Variants in TCHP observed in about 807,000 individuals in gnomAD.
TCHP encodes trichoplein keratin filament-binding protein.
Under a neutral mutation model 88.7 loss-of-function variants are expected in TCHP, and 81 were observed. That is an observed-to-expected ratio of 0.91 (90% CI 0.76 to 1.10). The LOEUF (loss-of-function observed/expected upper bound fraction) is 1.10, where lower values mean the gene tolerates loss of function less well. TCHP is among the 50% of genes least tolerant of loss of function. TCHP has a pLI of 0.00. For synonymous variants in TCHP, 232 were observed against 232.5 expected, an observed-to-expected ratio of 1.00 and a Z score of 0.02; for missense variants, 641 against 632.1, an observed-to-expected ratio of 1.01 and a Z score of -0.15.
chr12:109,908,484 CTG>C, intron 6 of TCHP, 100 bp from the exon 7 acceptor site: 2 of 941,268 alleles, frequency 2.1e-6, no homozygotes, highest in Non-Finnish European at 1.7e-6. Flanking sequence ...GGCCAGGCCT[CTG>C]TTGGTGTAGT....
chr12:109,889,202 G>A, the TCHP span, among the ~76,000 whole-genome samples: 4 of 151,824 alleles, frequency 2.6e-5, no homozygotes, highest in Admixed American at 2.0e-4. Flanking sequence ...GGCTGGGTGC[G>A]GTGGCTCATG....
At chr12:109,904,643 T>C (rs1870019091) in intron 3 of TCHP, 94 bp from the exon 4 acceptor site, 1 of 1,133,114 alleles carries the variant, frequency 8.8e-7, no homozygotes, top group East Asian at 2.4e-5. Flanking sequence ...AGGGAGGCAC[T>C]CATAGCCTGA....
At chr12:109,914,676 G>A in intron 11 of TCHP, 49 bp downstream of exon 11, 1 of 1,515,008 alleles carries the variant, frequency 6.6e-7, no homozygotes, top group Non-Finnish European at 9.0e-7. Context: ...CAGGTTCTCT[G>A]CATCATCATG....
At chr12:109,900,530 A>T (rs1223487135) in intron 1 of TCHP, 104 bp downstream of exon 1, 1 of 152,154 alleles carries the variant, frequency 6.6e-6, no homozygotes, top group Non-Finnish European at 1.5e-5. Flanking sequence ...GCGCGAGCTC[A>T]GGGCGCCTCC....
intron 9 of TCHP, among the ~76,000 whole-genome samples, 173 bp from the exon 10 acceptor site, chr12:109,912,818 C>G (rs1870581406): frequency 6.6e-6 from 1 of 152,158 alleles, no homozygotes; most frequent in South Asian, 2.1e-4. Flanking sequence ...AAACTTCCAA[C>G]AGTACTTTCC....
chr12:109,895,329 C>T (rs1869532164), upstream of TCHP, among the ~76,000 whole-genome samples: 2 of 150,860 alleles, frequency 1.3e-5, no homozygotes. Flanking sequence ...CCCACTTCCA[C>T]GTCCCAGGTA....
chr12:109,894,833 G>C, the TCHP span, among the ~76,000 whole-genome samples: 1 of 151,552 alleles, frequency 6.6e-6, no homozygotes, highest in African/African-American at 2.4e-5. Context: ...GTTTCCCTCA[G>C]GGAGTTCTAC....
chr12:109,908,313 G>A (rs1592909850), intron 6 of TCHP, among the ~76,000 whole-genome samples: 1 of 152,334 alleles, frequency 6.6e-6, no homozygotes, highest in East Asian at 1.9e-4. Flanking sequence ...GGTGGGGGCT[G>A]TGTCAGGTGG....
intron 12 of TCHP, 62 bp downstream of exon 12, chr12:109,915,608 C>A: frequency 1.3e-6 from 2 of 1,522,244 alleles, no homozygotes; most frequent in Non-Finnish European, 1.8e-6. Flanking sequence ...GGCCCCTGCT[C>A]CCCTGGGCCT....
intron 11 of TCHP, chr12:109,915,067 T>A: frequency 5.4e-6 from 2 of 371,540 alleles, no homozygotes; most frequent in Non-Finnish European, 4.8e-6. Flanking sequence ...ACGAGGTACA[T>A]GCCATGCATA....
the TCHP span, among the ~76,000 whole-genome samples, chr12:109,893,834 T>C: frequency 6.6e-6 from 1 of 152,086 alleles, no homozygotes; most frequent in South Asian, 2.1e-4. Flanking sequence ...GGGAAGCTAT[T>C]TGGGACATGT....
the TCHP span, among the ~76,000 whole-genome samples, chr12:109,881,999 G>C: frequency 6.8e-6 from 1 of 146,012 alleles, no homozygotes; most frequent in Non-Finnish European, 1.5e-5. Context: ...CCCTGCCCTT[G>C]TGGAGCTGAC....
chr12:109,915,288 TG>T, intron 11 of TCHP, 114 bp from the exon 12 acceptor site: 1 of 1,448,282 alleles, frequency 6.9e-7, no homozygotes, highest in Non-Finnish European at 9.7e-7. Context: ...GCATTGCTGT[TG>T]CTCAGCTGGA....
chr12:109,897,876 A>C (rs1257125720), upstream of TCHP, among the ~76,000 whole-genome samples: 1 of 152,096 alleles, frequency 6.6e-6, no homozygotes, highest in Non-Finnish European at 1.5e-5. Flanking sequence ...GTGTTTATGA[A>C]GTTCCTGTCG....
chr12:109,915,201 C>G (rs1870738572), intron 11 of TCHP: 1 of 679,144 alleles, frequency 1.5e-6, no homozygotes, highest in Non-Finnish European at 2.5e-6. Context: ...CATACAGCCT[C>G]TCCAGCTTTC....
At chr12:109,913,671 A>T (rs762800264) in intron 10 of TCHP, among the ~76,000 whole-genome samples, 17 of 152,208 alleles carry the variant, frequency 1.1e-4, no homozygotes, top group Non-Finnish European at 1.8e-4. Flanking sequence ...ACCGCAGAGA[A>T]ATCTGGGAGG....
chr12:109,908,926 C>G lies in TCHP; in HGVS notation c.868C>G (p.Gln290Glu). 6.2e-7 allele frequency: 1 copy of G among 1,614,194 alleles called. No individual in the cohort carries two copies. The highest frequency in any genetic ancestry group is 8.5e-7 in the Non-Finnish European group (1 of 1,180,038). ...ACTCAGCAGACGCACACAGCAGATC[C>G]AAGAGGAGCTGGTAAGTCTGAAGAG... ...AQLSRRTQQI[Q>E]EELEADRRIL... Residue 290 changes from glutamine to glutamate, a missense_variant, in exon 8 of 13, where the codon CAA becomes GAA. Coordinates refer to ENST00000405876, the MANE Select transcript of TCHP (RefSeq NM_001143852.2).
At chr12:109,894,975 C>G in the TCHP span, among the ~76,000 whole-genome samples, 1 of 151,788 alleles carries the variant, frequency 6.6e-6, no homozygotes, top group East Asian at 1.9e-4. Flanking sequence ...TTGTCTTCAG[C>G]TGTCCCATAG....
intron 1 of TCHP, among the ~76,000 whole-genome samples, chr12:109,901,860 T>G (rs1211447727): frequency 6.6e-6 from 1 of 152,240 alleles, no homozygotes; most frequent in African/African-American, 2.4e-5. Context: ...TCTTGGGCAC[T>G]GGCTAAATAA....
Sources: gnomAD v4.1 joint callset for allele counts (sites outside exome capture counted in the v4.1 genomes callset) on GRCh38, gnomAD v4.1.1 for gene constraint, MANE v1.5 for transcripts, NCBI Gene and HGNC (gene_info 2026-07-23, HGNC 2026-07-21) for gene names.